ASIP: variants seen among roughly 807,000 people sequenced by gnomAD.
ASIP encodes agouti-signaling protein.
In ASIP, 11 loss-of-function variants were observed where a neutral mutation model predicts 10.3. That is an observed-to-expected ratio of 1.07 (90% CI 0.68 to 1.78). The LOEUF is 1.78. ASIP is among the 40% of genes most tolerant of loss of function. The pLI, the probability that ASIP is intolerant of heterozygous loss-of-function variation, is 0.00. For synonymous variants in ASIP, 70 were observed against 70.8 expected, an observed-to-expected ratio of 0.99 and a Z score of 0.06; for missense variants, 180 against 169.2, an observed-to-expected ratio of 1.06 and a Z score of -0.35.
At chr20:34,221,102 G>A (rs1034029916) in intron 1 of ASIP, among the ~76,000 whole-genome samples, 4 of 152,224 alleles carry the variant, frequency 2.6e-5, no homozygotes, top group African/African-American at 9.6e-5. Flanking sequence ...GGCAGGGCCA[G>A]GCGCGATGGC....
At chr20:34,223,551 G>C (rs1250624879) in intron 1 of ASIP, among the ~76,000 whole-genome samples, 1 of 126,954 alleles carries the variant, frequency 7.9e-6, no homozygotes, top group Non-Finnish European at 1.5e-5. Context: ...GAGGTGGGGG[G>C]GTCAGCCCCC....
At chr20:34,215,236 G>GATA in intron 1 of ASIP, 5 of 1,574,510 alleles carry the variant, frequency 3.2e-6, no homozygotes, top group Non-Finnish European at 4.4e-6. Flanking sequence ...GGCTAAAAGG[G>GATA]ATAAGTCAAT....
At chr20:34,196,214 G>T (rs969179466) in intron 1 of ASIP, among the ~76,000 whole-genome samples, 1 of 124,946 alleles carries the variant, frequency 8.0e-6, no homozygotes, top group Non-Finnish European at 1.6e-5. Flanking sequence ...GAATCCCGCT[G>T]TGTCGCCCAG....
At chr20:34,209,393 C>T (rs1273562250) in intron 1 of ASIP, among the ~76,000 whole-genome samples, 1 of 152,214 alleles carries the variant, frequency 6.6e-6, no homozygotes, top group East Asian at 1.9e-4. Flanking sequence ...CTGACCTGGG[C>T]CTTCCTGTGC....
intron 1 of ASIP, among the ~76,000 whole-genome samples, chr20:34,211,120 C>G (rs1442631744): frequency 6.6e-6 from 1 of 152,154 alleles, no homozygotes; most frequent in South Asian, 2.1e-4. Flanking sequence ...ACCTTGAACT[C>G]CTGAACTTAA....
chr20:34,245,582 G>C (rs2035360488), intron 1 of ASIP, among the ~76,000 whole-genome samples: 1 of 151,284 alleles, frequency 6.6e-6, no homozygotes, highest in African/African-American at 2.4e-5. Flanking sequence ...GTAGAGACGG[G>C]GTTTCACCAT....
Position 34,262,764 on chromosome 20 carries a change from C to T in ASIP, c.161-68C>T, listed in dbSNP as rs2035716626. 3.7e-5 allele frequency: 59 copies of T among 1,579,942 alleles called. No individual in the cohort carries two copies. The Middle Eastern group carries it at 5.0e-4, about 13-fold the overall frequency. ...GTGACTTCCCAAGCCCCCTCTGCCCCTCTCACTTCACTGCAGCTCAACGTC... is the reference window on the plus strand; with the variant it reads ...GTGACTTCCCAAGCCCCCTCTGCCCTTCTCACTTCACTGCAGCTCAACGTC... On this transcript the variant is annotated intron_variant, in intron 2 of 3. Coordinates refer to ENST00000374954, the MANE Select transcript of ASIP (RefSeq NM_001672.3).
intron 1 of ASIP, among the ~76,000 whole-genome samples, chr20:34,245,148 A>T (rs1390596527): frequency 1.3e-5 from 2 of 151,810 alleles, no homozygotes; most frequent in African/African-American, 4.8e-5. Flanking sequence ...AGCCTGGCAA[A>T]CATGATGAAA....
intron 2 of ASIP, among the ~76,000 whole-genome samples, chr20:34,261,744 G>C (rs1461154398): frequency 6.6e-6 from 1 of 152,008 alleles, no homozygotes; most frequent in East Asian, 1.9e-4. Flanking sequence ...CGACGCTGCA[G>C]TGAGCTATGA....
chr20:34,253,861 C>G (rs765258144), intron 1 of ASIP, among the ~76,000 whole-genome samples: 1 of 152,128 alleles, frequency 6.6e-6, no homozygotes, highest in Non-Finnish European at 1.5e-5. Context: ...GTGTCTGGAT[C>G]CTTCTTTTTA....
At chr20:34,236,899 A>C (rs1462507244), upstream of ASIP, among the ~76,000 whole-genome samples, 4 of 152,244 alleles carry the variant, frequency 2.6e-5, no homozygotes, top group Non-Finnish European at 5.9e-5. Context: ...GTTAGGTAAG[A>C]GTCTAACTTC....
intron 1 of ASIP, among the ~76,000 whole-genome samples, chr20:34,247,910 A>G (rs917082678): frequency 6.6e-6 from 1 of 151,966 alleles, no homozygotes; most frequent in Non-Finnish European, 1.5e-5. Flanking sequence ...TATGACTTTT[A>G]AATTGCCCCT....
Position 34,269,228 on chromosome 20 carries a change from G to T in ASIP, c.*61G>T. ...CGGGGACGCGGGGCGCTTCTCGGGC[G>T]GGTGATCCCTAACAGGGCGGCTTCC... On this transcript the variant is annotated 3_prime_UTR_variant, in exon 4 of 4. Transcript: ENST00000374954. The T allele has an allele frequency of 1.4e-6, 2 of 1,432,758 alleles. No homozygotes were observed. The highest frequency in any genetic ancestry group is 2.7e-5 in the Admixed American group (1 of 36,954). The allele number at this position is 1,432,758 out of a possible 1,614,324, so 88.8% of individuals were successfully genotyped here. A position where few individuals can be genotyped will look rare whatever the true frequency, so the allele number is the denominator to read the frequency against.
chr20:34,236,310 C>A (rs1224089197), intron 1 of ASIP, among the ~76,000 whole-genome samples: 4 of 151,866 alleles, frequency 2.6e-5, no homozygotes, highest in Admixed American at 6.6e-5. Context: ...GAGGCCGAAG[C>A]GGGCAGATCA....
the ASIP span, among the ~76,000 whole-genome samples, chr20:34,188,546 C>T: frequency 6.6e-6 from 1 of 152,074 alleles, no homozygotes; most frequent in African/African-American, 2.4e-5. Flanking sequence ...AGAAAATAGA[C>T]CTCAGAACTG....
chr20:34,200,892 T>C (rs1291484794), intron 1 of ASIP, among the ~76,000 whole-genome samples: 4 of 152,176 alleles, frequency 2.6e-5, no homozygotes, highest in African/African-American at 9.7e-5. Flanking sequence ...GTTTATGCTT[T>C]TTAGATTTTG....
rs1250992566 is a variant in ASIP, at chr20:34,258,690, T to TATATATATATAC, written c.-10-1674_-10-1673insTATATATATACA. 5.5e-5 allele frequency among the ~76,000 whole-genome samples: 4 copies of TATATATATATAC among 72,326 alleles called. 1 individual carries two copies. Among genetic ancestry groups the TATATATATATAC allele is most frequent in the African/African-American group, 2.2e-4 (3 of 13,568 alleles). The allele number at this position is 72,326 out of a possible 152,430, so 47.4% of individuals were successfully genotyped here. On this transcript the variant is annotated intron_variant, in intron 1 of 3. Coordinates refer to ENST00000374954, the MANE Select transcript of ASIP (RefSeq NM_001672.3). ...GGGGGATGCCATATATATATATATA[T>TATATATATATAC]ACATACTATATATATATATTATATA...
At chr20:34,249,129 G>A (rs1199620289) in intron 1 of ASIP, among the ~76,000 whole-genome samples, 31 of 146,852 alleles carry the variant, frequency 2.1e-4, no homozygotes, top group African/African-American at 2.5e-4. Context: ...ACCCTGTCTC[G>A]AAAAAAAAAA....
upstream of ASIP, among the ~76,000 whole-genome samples, chr20:34,190,389 C>T (rs963425415): frequency 1.8e-4 from 27 of 152,128 alleles, no homozygotes; most frequent in African/African-American, 6.0e-4. Flanking sequence ...CAAACCTTTC[C>T]GCCCACTCTA....
Sources: gnomAD v4.1 joint callset for allele counts (sites outside exome capture counted in the v4.1 genomes callset) on GRCh38, gnomAD v4.1.1 for gene constraint, MANE v1.5 for transcripts, NCBI Gene and HGNC (gene_info 2026-07-23, HGNC 2026-07-21) for gene names.